The following EYS variants were observed in gnomAD, a reference collection of about 807,000 sequenced individuals.
EYS encodes the protein EGF-like photoreceptor maintenance factor.
EYS carries 250 observed loss-of-function variants against 282.1 expected under a neutral mutation model. The observed-to-expected ratio is 0.89, with a 90% CI of 0.80 to 0.98. EYS has a LOEUF of 0.98. Ranked by LOEUF, EYS falls within the 50% of genes least tolerant of loss-of-function variation. The probability of loss-of-function intolerance (pLI) is 0.00; values close to 1 mark genes in which losing one functional copy is unlikely to be tolerated. For synonymous variants in EYS, 1,355 were observed against 1,282.9 expected, an observed-to-expected ratio of 1.06 and a Z score of -1.20; for missense variants, 4,016 against 3,709.0, an observed-to-expected ratio of 1.08 and a Z score of -2.15.
At position 64,388,843 on chromosome 6, in the gene EYS, G is replaced by A. The variant is rs1387828690; in HGVS notation, c.5928-3C>T. 4.0e-6 allele frequency: 6 copies of A among 1,483,478 alleles called. No homozygotes were observed. Among genetic ancestry groups the A allele is most frequent in the Admixed American group, 2.4e-5 (1 of 41,236 alleles). 91.9% of individuals were successfully genotyped at this position (1,483,478 alleles called of 1,614,324 possible). A position where few individuals can be genotyped will look rare whatever the true frequency, so the allele number is the denominator to read the frequency against. ...CGTTACATGGATCCAATTCTTGCCT[G>A]TAACCATTTAAGAAAGAAATGGTTT... On this transcript the variant is annotated splice_region_variant and splice_polypyrimidine_tract_variant and intron_variant, in intron 28 of 42. Coordinates refer to ENST00000503581, the MANE Select transcript of EYS (RefSeq NM_001142800.2).
chr6:64,723,148 G>A (rs73442657), intron 22 of EYS, among the ~76,000 whole-genome samples: 1,726 of 151,374 alleles, frequency 0.011, 34 homozygotes, highest in African/African-American at 0.04. Context: ...TGGACACATC[G>A]AGGCAGACAT....
chr6:64,921,243 T>C (rs1768338752), intron 15 of EYS, among the ~76,000 whole-genome samples: 1 of 152,258 alleles, frequency 6.6e-6, no homozygotes, highest in East Asian at 1.9e-4. Flanking sequence ...TGTAAAAATA[T>C]GCAAAAATAA....
chr6:65,576,656 A>T (rs901827541), intron 2 of EYS, among the ~76,000 whole-genome samples: 2 of 152,036 alleles, frequency 1.3e-5, no homozygotes, highest in Admixed American at 1.3e-4. Context: ...TTTTCAGATT[A>T]CATAATCTTA....
chr6:64,519,374 T>C (rs181478455), intron 26 of EYS, among the ~76,000 whole-genome samples: 3 of 151,832 alleles, frequency 2.0e-5, no homozygotes, highest in Non-Finnish European at 4.4e-5. Context: ...GTCTTTGATA[T>C]AGAGATTTGC....
At chr6:64,266,632 A>G (rs755635878) in intron 30 of EYS, among the ~76,000 whole-genome samples, 2 of 152,272 alleles carry the variant, frequency 1.3e-5, no homozygotes, top group African/African-American at 2.4e-5. Flanking sequence ...GCAATGTCAC[A>G]GTGACACTTC....
chr6:65,590,068 G>C (rs1765179794), intron 2 of EYS, among the ~76,000 whole-genome samples: 1 of 151,962 alleles, frequency 6.6e-6, no homozygotes, highest in African/African-American at 2.4e-5. Context: ...CAATACTAGA[G>C]ACCTTAGTGC....
At chr6:64,344,222 C>T (rs1416749847) in intron 29 of EYS, among the ~76,000 whole-genome samples, 1 of 152,076 alleles carries the variant, frequency 6.6e-6, no homozygotes, top group Non-Finnish European at 1.5e-5. Context: ...CCAGCATCAT[C>T]CTGATACCAA....
chr6:65,330,711 T>TATTATAATACTATAAA (rs1350193017), intron 11 of EYS: 1 of 950,204 alleles, frequency 1.1e-6, no homozygotes, highest in Non-Finnish European at 1.3e-6. Context: ...CTATCATTAT[T>TATTATAATACTATAAA]TTGCCTTATA....
intron 22 of EYS, among the ~76,000 whole-genome samples, chr6:64,678,682 C>T (rs1769783128): frequency 6.6e-6 from 1 of 152,046 alleles, no homozygotes; most frequent in Non-Finnish European, 1.5e-5. Flanking sequence ...TCCAATTTCA[C>T]AATTCAAACA....
At chr6:64,327,222 G>T (rs559456840) in intron 29 of EYS, among the ~76,000 whole-genome samples, 2 of 152,218 alleles carry the variant, frequency 1.3e-5, no homozygotes, top group East Asian at 3.9e-4. Context: ...GCTGCAGCTA[G>T]CTGTGACAGG....
chr6:64,944,577 G>A (rs1769209940), intron 15 of EYS, among the ~76,000 whole-genome samples: 1 of 152,062 alleles, frequency 6.6e-6, no homozygotes, highest in South Asian at 2.1e-4. Flanking sequence ...CTCCCCATAT[G>A]ATAGTCTGAA....
At chr6:64,015,708 G>T (rs12198674) in intron 33 of EYS, among the ~76,000 whole-genome samples, 39 of 152,306 alleles carry the variant, frequency 2.6e-4, no homozygotes, top group African/African-American at 8.9e-4. Flanking sequence ...TCCTCACAGA[G>T]GGTAAGAAGG....
At chr6:64,149,446 C>T (rs1184236853) in intron 31 of EYS, among the ~76,000 whole-genome samples, 1 of 152,158 alleles carries the variant, frequency 6.6e-6, no homozygotes, top group African/African-American at 2.4e-5. Context: ...TGGTCAAGTG[C>T]TGCAGGAAAG....
intron 25 of EYS, among the ~76,000 whole-genome samples, chr6:64,592,379 A>G (rs1766439537): frequency 6.6e-6 from 1 of 152,160 alleles, no homozygotes; most frequent in South Asian, 2.1e-4. Context: ...TACTTCCTCA[A>G]TAGGCAAAAT....
At chr6:65,040,652 C>A (rs1340814426) in intron 13 of EYS, among the ~76,000 whole-genome samples, 1 of 151,640 alleles carries the variant, frequency 6.6e-6, no homozygotes, top group African/African-American at 2.4e-5. Context: ...CCAGTCCTGA[C>A]AACCATAAAT....
At chr6:64,203,109 AAT>A (rs1765512558) in intron 31 of EYS, among the ~76,000 whole-genome samples, 1 of 152,228 alleles carries the variant, frequency 6.6e-6, no homozygotes, top group African/African-American at 2.4e-5. Context: ...GGAGAGGAGT[AAT>A]ATGTCTGATA....
At chr6:64,274,324 G>A (rs912709809) in intron 30 of EYS, among the ~76,000 whole-genome samples, 8 of 151,908 alleles carry the variant, frequency 5.3e-5, no homozygotes, top group East Asian at 1.9e-4. Flanking sequence ...ACAGGCCCGC[G>A]CCACCACGCC....
chr6:64,091,204 C>T (rs1329459907), intron 31 of EYS, among the ~76,000 whole-genome samples: 1 of 152,162 alleles, frequency 6.6e-6, no homozygotes, highest in African/African-American at 2.4e-5. Context: ...TTTACCTCGT[C>T]TTAAATCATT....
At chr6:65,436,141 G>A (rs904541835) in intron 5 of EYS, among the ~76,000 whole-genome samples, 1 of 152,020 alleles carries the variant, frequency 6.6e-6, no homozygotes, top group Non-Finnish European at 1.5e-5. Context: ...AACTATCAAT[G>A]TAATTGGCCA....
Sources: gnomAD v4.1 joint callset for allele counts (sites outside exome capture counted in the v4.1 genomes callset) on GRCh38, gnomAD v4.1.1 for gene constraint, MANE v1.5 for transcripts, NCBI Gene and HGNC (gene_info 2026-07-23, HGNC 2026-07-21) for gene names.